TRHDE: variants seen among roughly 807,000 people sequenced by gnomAD.
The protein encoded by TRHDE is thyrotropin-releasing hormone-degrading ectoenzyme.
Under a neutral mutation model 125.7 loss-of-function variants are expected in TRHDE, and 72 were observed. That is an observed-to-expected ratio of 0.57 (90% CI 0.47 to 0.70). TRHDE has a LOEUF of 0.70. TRHDE is among the 30% of genes least tolerant of loss of function. The pLI, the probability that TRHDE is intolerant of heterozygous loss-of-function variation, is 0.00. For synonymous variants in TRHDE, 509 were observed against 509.1 expected (o/e 1.00, Z 0.00); for missense variants, 1,110 against 1,327.1 (o/e 0.84, Z 2.54).
At chr12:72,590,434 C>G (rs1436693943) in intron 12 of TRHDE, among the ~76,000 whole-genome samples, 1 of 151,806 alleles carries the variant, frequency 6.6e-6, no homozygotes, top group East Asian at 1.9e-4. Context: ...AGAGAATGGT[C>G]TTATAATTTT....
intron 3 of TRHDE, among the ~76,000 whole-genome samples, chr12:72,392,044 T>C (rs571678156): frequency 2.2e-4 from 33 of 152,186 alleles, no homozygotes; most frequent in Admixed American, 1.6e-3. Context: ...TCTCTCTCTG[T>C]GTCTCTGCCA....
intron 1 of TRHDE, among the ~76,000 whole-genome samples, chr12:72,088,180 T>C (rs1158493927): frequency 6.6e-6 from 1 of 152,102 alleles, no homozygotes; most frequent in Non-Finnish European, 1.5e-5. Context: ...TGGATAGTCA[T>C]CCACATAGAT....
chr12:72,667,641 G>A lies in TRHDE; in HGVS notation c.*4446G>A, dbSNP rs1350793753. The stretch of plus-strand genomic sequence containing the variant: ...ACAGACGGGAAGTCAATCATTTTTA[G>A]GTATACATAATATTATACAACTATT... On this transcript the variant is annotated 3_prime_UTR_variant, in exon 19 of 19. Transcript: ENST00000261180. 1 of 151,504 alleles carries A rather than the reference G, an allele frequency of 6.6e-6. No homozygotes were observed. Among genetic ancestry groups the A allele is most frequent in the Non-Finnish European group, 1.5e-5 (1 of 67,702 alleles). 9.4% of individuals were successfully genotyped at this position (151,504 alleles called of 1,614,324 possible). A position where few individuals can be genotyped will look rare whatever the true frequency, so the allele number is the denominator to read the frequency against.
intron 2 of TRHDE, among the ~76,000 whole-genome samples, chr12:72,359,746 A>G (rs532458451): frequency 6.6e-6 from 1 of 151,692 alleles, no homozygotes; most frequent in African/African-American, 2.4e-5. Context: ...CAGTGCTAGC[A>G]ACATTTACAA....
At chr12:72,243,706 G>T (rs1878524259) in intron 2 of TRHDE, among the ~76,000 whole-genome samples, 1 of 152,058 alleles carries the variant, frequency 6.6e-6, no homozygotes, top group African/African-American at 2.4e-5. Context: ...TGGTTCATTG[G>T]AATATTTTAT....
At chr12:72,363,772 G>T (rs980394874) in intron 2 of TRHDE, among the ~76,000 whole-genome samples, 1 of 152,046 alleles carries the variant, frequency 6.6e-6, no homozygotes, top group African/African-American at 2.4e-5. Context: ...TCTAGCCAGG[G>T]CAATGAGGCA....
intron 1 of TRHDE, among the ~76,000 whole-genome samples, chr12:72,279,936 T>C (rs908926153): frequency 1.3e-5 from 2 of 152,216 alleles, no homozygotes; most frequent in Non-Finnish European, 2.9e-5. Flanking sequence ...AATCAGAGGA[T>C]AGACAAAGAA....
chr12:72,478,941 A>C (rs549773392), intron 5 of TRHDE, among the ~76,000 whole-genome samples: 4 of 149,602 alleles, frequency 2.7e-5, no homozygotes, highest in Non-Finnish European at 4.4e-5. Context: ...AAAAAAAAAA[A>C]CAAAAACAGT....
chr12:72,188,716 T>C (rs1188154972), intron 2 of TRHDE, among the ~76,000 whole-genome samples: 2 of 152,236 alleles, frequency 1.3e-5, no homozygotes, highest in African/African-American at 4.8e-5. Context: ...TCTGATTTTT[T>C]TTGTATATGT....
At chr12:72,520,503 C>A (rs907548589) in intron 6 of TRHDE, among the ~76,000 whole-genome samples, 13 of 149,690 alleles carry the variant, frequency 8.7e-5, no homozygotes, top group African/African-American at 3.1e-4. Flanking sequence ...CTTCTGCTTG[C>A]GCACGGTGCG....
At chr12:72,552,589 G>A (rs940286108) in intron 7 of TRHDE, among the ~76,000 whole-genome samples, 8 of 152,102 alleles carry the variant, frequency 5.3e-5, no homozygotes, top group Non-Finnish European at 8.8e-5. Context: ...AGAAGAGCTT[G>A]TTTCAAGAAC....
intron 2 of TRHDE, among the ~76,000 whole-genome samples, chr12:72,340,004 C>T (rs1265231041): frequency 6.6e-6 from 1 of 152,192 alleles, no homozygotes; most frequent in Admixed American, 6.5e-5. Flanking sequence ...ACACATCTTC[C>T]CTTAGGATTG....
At chr12:72,351,703 A>G (rs1183656073) in intron 2 of TRHDE, among the ~76,000 whole-genome samples, 1 of 151,868 alleles carries the variant, frequency 6.6e-6, no homozygotes, top group Admixed American at 6.6e-5. Context: ...TGTCTTTCCA[A>G]TTCATGCTCT....
At chr12:72,354,145 T>C (rs1416231318) in intron 2 of TRHDE, among the ~76,000 whole-genome samples, 2 of 151,572 alleles carry the variant, frequency 1.3e-5, no homozygotes, top group African/African-American at 4.8e-5. Context: ...ATCTCAAAAT[T>C]AGTCAAATGA....
intron 5 of TRHDE, among the ~76,000 whole-genome samples, chr12:72,491,066 C>T (rs527379573): frequency 8.7e-5 from 13 of 148,902 alleles, no homozygotes; most frequent in Non-Finnish European, 1.8e-4. Flanking sequence ...AACTATTTTA[C>T]TATCTATGTA....
At chr12:72,464,266 C>G (rs540653387) in intron 3 of TRHDE, among the ~76,000 whole-genome samples, 27 of 152,260 alleles carry the variant, frequency 1.8e-4, no homozygotes, top group African/African-American at 6.5e-4. Context: ...GAGTAAGTGT[C>G]TTAGTCCATT....
intron 2 of TRHDE, among the ~76,000 whole-genome samples, chr12:72,208,041 C>G (rs114562247): frequency 0.017 from 2,575 of 152,242 alleles, 43 homozygotes; most frequent in Middle Eastern, 0.044. Context: ...CCATAACTGT[C>G]CCACATTTTA....
chr12:72,430,427 G>GTA (rs1038729719), intron 3 of TRHDE, among the ~76,000 whole-genome samples: 1 of 141,566 alleles, frequency 7.1e-6, no homozygotes, highest in South Asian at 2.2e-4. Flanking sequence ...ATATATACAT[G>GTA]TATATATATA....
chr12:72,466,085 C>T (rs1044743551), intron 3 of TRHDE, among the ~76,000 whole-genome samples: 3 of 152,132 alleles, frequency 2.0e-5, no homozygotes, highest in Non-Finnish European at 4.4e-5. Context: ...CCTTTCGATA[C>T]CAGTATGTAA....
Sources: allele counts gnomAD v4.1 joint callset (sites outside exome capture counted in the v4.1 genomes callset), GRCh38; gene constraint gnomAD v4.1.1; transcripts MANE v1.5; gene names NCBI Gene and HGNC (gene_info 2026-07-23, HGNC 2026-07-21).